CRIM1: variants seen among roughly 807,000 people sequenced by gnomAD.
CRIM1 encodes cysteine rich transmembrane BMP regulator 1.
In CRIM1, 32 loss-of-function variants were observed where a neutral mutation model predicts 116.4. That is an observed-to-expected ratio of 0.27 (90% confidence interval 0.21 to 0.37). CRIM1 has a LOEUF of 0.37. CRIM1 is among the 10% of genes least tolerant of loss of function. The pLI, the probability that CRIM1 is intolerant of heterozygous loss-of-function variation, is 1.00. For missense variants in CRIM1, 1,331 were observed against 1,354.8 expected, an observed-to-expected ratio of 0.98 and a Z score of 0.28; for synonymous variants, 590 against 509.2, an observed-to-expected ratio of 1.16 and a Z score of -2.13.
rs1042741049 is a variant in CRIM1, at chr2:36,478,615, A to G, written c.1175-882A>G. Among the ~76,000 whole-genome samples, 18 of 152,202 alleles carry G rather than the reference A, an allele frequency of 1.2e-4. 1 individual carries two copies. Among genetic ancestry groups the G allele is most frequent in the Non-Finnish European group, 2.6e-4 (18 of 68,034 alleles). On this transcript the variant is annotated intron_variant, in intron 6 of 16. Transcript: ENST00000280527. ...CATTATTTTAAATGCTGACCTTCTA[A>G]CTGACTTTATTATAATGTCCCACTA...
intron 2 of CRIM1, among the ~76,000 whole-genome samples, chr2:36,411,945 A>G (rs528752105): frequency 3.9e-5 from 6 of 152,220 alleles, no homozygotes; most frequent in Non-Finnish European, 7.3e-5. Flanking sequence ...CCTTATCACT[A>G]TAACAACCAC....
chr2:36,402,608 TG>T (rs1221613947), intron 2 of CRIM1, among the ~76,000 whole-genome samples: 1 of 151,642 alleles, frequency 6.6e-6, no homozygotes, highest in Non-Finnish European at 1.5e-5. Flanking sequence ...AGAGACTGGT[TG>T]GGGTAGGGAG....
chr2:36,404,973 G>A (rs896561856), intron 2 of CRIM1, among the ~76,000 whole-genome samples: 9 of 151,738 alleles, frequency 5.9e-5, no homozygotes, highest in East Asian at 1.9e-4. Flanking sequence ...CAAGTAAAGC[G>A]TACGTGCTAA....
rs1353294125 is a variant in CRIM1 at position 36,548,477 on chromosome 2, G to T, written c.2935-48G>T. ...TAAATTTCTGTTCATTTGAGATAAT[G>T]TAAAGCAACTAATTTTTTGTGGTTT... is the stretch of plus-strand genomic sequence containing the variant. On this transcript the variant is annotated intron_variant, in intron 16 of 16. Transcript: ENST00000280527. 4 of 1,435,904 alleles carry T rather than the reference G, an allele frequency of 2.8e-6. No homozygotes were observed. In the African/African-American group the frequency reaches 5.7e-5, roughly 21 times the overall value. 88.9% of individuals were successfully genotyped at this position (1,435,904 alleles called of 1,614,324 possible). A position where few individuals can be genotyped will look rare whatever the true frequency, so the allele number is the denominator to read the frequency against.
intron 1 of CRIM1, among the ~76,000 whole-genome samples, chr2:36,376,539 G>A (rs1670335287): frequency 1.3e-5 from 2 of 152,208 alleles, no homozygotes; most frequent in African/African-American, 2.4e-5. Context: ...ATACGAGAAT[G>A]TGGGAGAAGG....
chr2:36,528,582 A>T (rs1665911343), intron 13 of CRIM1, among the ~76,000 whole-genome samples: 1 of 152,248 alleles, frequency 6.6e-6, no homozygotes, highest in Non-Finnish European at 1.5e-5. Flanking sequence ...CGTGGCATTT[A>T]TCATCAGGGC....
At chr2:36,480,945 C>A (rs145104336) in intron 7 of CRIM1, among the ~76,000 whole-genome samples, 483 of 152,282 alleles carry the variant, frequency 3.2e-3, no homozygotes, top group Non-Finnish European at 4.7e-3. Flanking sequence ...GTCGGCCTTA[C>A]AGGAAAGGGT....
At chr2:36,442,847 C>T (rs1675964959) in intron 4 of CRIM1, 112 bp downstream of exon 4, 2 of 1,256,018 alleles carry the variant, frequency 1.6e-6, no homozygotes, top group Middle Eastern at 2.6e-4. Flanking sequence ...TTTCCTGTTT[C>T]TCTGGAAGAA....
At chr2:36,437,859 C>A (rs1675440601) in intron 2 of CRIM1, among the ~76,000 whole-genome samples, 1 of 151,804 alleles carries the variant, frequency 6.6e-6, no homozygotes, top group Admixed American at 6.6e-5. Flanking sequence ...ACCAGCCGGG[C>A]GCGGTGGCTC....
rs1035609144 is a variant in CRIM1, at chr2:36,550,032, AGAGT to A, written c.*1332_*1335del. ...GTTTAATTGGAAAGATGTGTGTGTG[AGAGT>A]ATGTATGTGTGTGTGTGTGTGTGTG... On this transcript the variant is annotated 3_prime_UTR_variant, in exon 17 of 17. Transcript: ENST00000280527. 1.3e-5 allele frequency: 2 copies of A among 148,550 alleles called. No individual in the cohort carries two copies. Among genetic ancestry groups the A allele is most frequent in the Non-Finnish European group, 3.0e-5 (2 of 67,330 alleles). The allele number at this position is 148,550 out of a possible 1,614,324, so 9.2% of individuals were successfully genotyped here. A position where few individuals can be genotyped will look rare whatever the true frequency, so the allele number is the denominator to read the frequency against.
chr2:36,417,393 A>G (rs1673700924), intron 2 of CRIM1, among the ~76,000 whole-genome samples: 1 of 152,076 alleles, frequency 6.6e-6, no homozygotes, highest in African/African-American at 2.4e-5. Flanking sequence ...TCACCTGTTT[A>G]CCAATTTAAC....
intron 7 of CRIM1, among the ~76,000 whole-genome samples, chr2:36,482,561 A>G (rs1462436644): frequency 6.6e-6 from 1 of 152,250 alleles, no homozygotes; most frequent in African/African-American, 2.4e-5. Context: ...CAGAGTAGCA[A>G]AAGGATTGTA....
At chr2:36,365,218 A>C (rs1385887871) in intron 1 of CRIM1, among the ~76,000 whole-genome samples, 1 of 152,190 alleles carries the variant, frequency 6.6e-6, no homozygotes, top group Non-Finnish European at 1.5e-5. Flanking sequence ...CACTTGCTTG[A>C]TTTTGTGGTT....
intron 1 of CRIM1, among the ~76,000 whole-genome samples, chr2:36,394,894 A>G (rs1272281368): frequency 6.6e-6 from 1 of 152,078 alleles, no homozygotes; most frequent in African/African-American, 2.4e-5. Context: ...CCTCTTGATG[A>G]GAAAATTATT....
chr2:36,417,357 A>C (rs1673697997), intron 2 of CRIM1, among the ~76,000 whole-genome samples: 1 of 152,168 alleles, frequency 6.6e-6, no homozygotes, highest in Non-Finnish European at 1.5e-5. Context: ...TGTTTCCAGC[A>C]ATATTAACAT....
chr2:36,518,102 A>G (rs848525), intron 12 of CRIM1, among the ~76,000 whole-genome samples: 63,971 of 152,062 alleles, frequency 0.42, 14,346 homozygotes, highest in East Asian at 0.82. Flanking sequence ...ATTATTTTCT[A>G]CTTTTTATTT....
At chr2:36,358,110 C>T (rs1668976806) in intron 1 of CRIM1, among the ~76,000 whole-genome samples, 1 of 128,592 alleles carries the variant, frequency 7.8e-6, no homozygotes, top group Non-Finnish European at 1.7e-5. Context: ...TCTTGCTTTG[C>T]TGCACACGTA....
intron 13 of CRIM1, among the ~76,000 whole-genome samples, chr2:36,534,192 AGGAG>A: frequency 8.4e-6 from 1 of 118,764 alleles, no homozygotes; most frequent in South Asian, 3.3e-4. Context: ...GTGGGAAGGA[AGGAG>A]GGAGAAAAGG....
intron 7 of CRIM1, among the ~76,000 whole-genome samples, chr2:36,497,139 A>G (rs1179500): frequency 6.6e-6 from 1 of 151,962 alleles, no homozygotes; most frequent in Non-Finnish European, 1.5e-5. Flanking sequence ...AATTTCACAT[A>G]TTAAATGTCA....
Sources: allele counts gnomAD v4.1 joint callset (sites outside exome capture counted in the v4.1 genomes callset), GRCh38; gene constraint gnomAD v4.1.1; transcripts MANE v1.5; gene names NCBI Gene and HGNC (gene_info 2026-07-23, HGNC 2026-07-21).